The following IQSEC1 variants were observed in gnomAD, a reference collection of about 807,000 sequenced individuals.
The protein encoded by IQSEC1 is IQ motif and SEC7 domain-containing protein 1.
A neutral mutation model predicts 91.0 loss-of-function variants in IQSEC1; 31 were observed. The ratio of observed to expected loss-of-function variants is 0.34; its 90% CI spans 0.26 to 0.46. The LOEUF is 0.46. Among genes scored for constraint, IQSEC1 ranks in the 20% least tolerant of loss-of-function variants. The probability of loss-of-function intolerance (pLI) is 1.00; values close to 1 mark genes in which losing one functional copy is unlikely to be tolerated. For synonymous variants in IQSEC1, 699 were observed against 662.6 expected (o/e 1.05, Z -0.84); for missense variants, 1,388 against 1,575.6 (o/e 0.88, Z 2.02).
chr3:12,973,955 G>C (rs143979906), intron 1 of IQSEC1, among the ~76,000 whole-genome samples: 18 of 152,320 alleles, frequency 1.2e-4, no homozygotes, highest in African/African-American at 4.3e-4. Flanking sequence ...GTCGTGGTTT[G>C]AGGTGTCAGG....
chr3:13,143,478 C>T (rs1706834818), intron 2 of IQSEC1, among the ~76,000 whole-genome samples: 1 of 152,176 alleles, frequency 6.6e-6, no homozygotes. Context: ...GAGCCTTGGC[C>T]CTGAACCTGC....
At chr3:13,190,560 A>AAAACAAAAAC (rs942570982) in intron 1 of IQSEC1, among the ~76,000 whole-genome samples, 9 of 151,590 alleles carry the variant, frequency 5.9e-5, no homozygotes, top group Non-Finnish European at 8.9e-5. Flanking sequence ...TGTCTCAAAA[A>AAAACAAAAAC]AAAAAAACAG....
intron 12 of IQSEC1, among the ~76,000 whole-genome samples, chr3:12,905,715 C>T (rs1183133140): frequency 1.3e-5 from 2 of 152,250 alleles, no homozygotes; most frequent in Non-Finnish European, 2.9e-5. Context: ...CTCTGTCCAC[C>T]CACCACTGGT....
chr3:12,973,509 G>A (rs1331112812), intron 1 of IQSEC1, among the ~76,000 whole-genome samples: 1 of 152,270 alleles, frequency 6.6e-6, no homozygotes, highest in East Asian at 1.9e-4. Flanking sequence ...GTGGGGCCCA[G>A]ACACTGCCAT....
At chr3:13,222,761 T>C (rs1360907741) in intron 1 of IQSEC1, among the ~76,000 whole-genome samples, 2 of 152,140 alleles carry the variant, frequency 1.3e-5, no homozygotes, top group Non-Finnish European at 2.9e-5. Context: ...CTCAGAGTGC[T>C]CGATGTGCCA....
chr3:13,263,934 C>T (rs1055643770), intron 1 of IQSEC1, among the ~76,000 whole-genome samples: 2 of 152,220 alleles, frequency 1.3e-5, no homozygotes, highest in African/African-American at 4.8e-5. Flanking sequence ...GTCTGCTGGC[C>T]CAGCCGGTCT....
intron 1 of IQSEC1, among the ~76,000 whole-genome samples, chr3:13,019,507 C>G (rs1013388333): frequency 6.6e-6 from 1 of 152,262 alleles, no homozygotes; most frequent in Non-Finnish European, 1.5e-5. Flanking sequence ...GACCTGCTGA[C>G]TCAGGGCTTC....
chr3:12,980,200 G>A (rs1294607171), intron 1 of IQSEC1, among the ~76,000 whole-genome samples: 1 of 152,220 alleles, frequency 6.6e-6, no homozygotes, highest in Admixed American at 6.5e-5. Context: ...ATAGGAAACA[G>A]AGGCACAGAG....
At chr3:13,030,323 C>T (rs923185384) in intron 1 of IQSEC1, among the ~76,000 whole-genome samples, 1 of 152,214 alleles carries the variant, frequency 6.6e-6, no homozygotes, top group African/African-American at 2.4e-5. Flanking sequence ...TCTCGAACTC[C>T]TCCTGGTCTC....
chr3:13,247,074 A>C (rs1695120459), intron 1 of IQSEC1, among the ~76,000 whole-genome samples: 1 of 152,178 alleles, frequency 6.6e-6, no homozygotes, highest in Admixed American at 6.5e-5. Context: ...TGTGGGTGCC[A>C]CTTGTCAGCA....
intron 1 of IQSEC1, among the ~76,000 whole-genome samples, chr3:13,057,137 T>C (rs1163829888): frequency 2.0e-5 from 3 of 152,190 alleles, no homozygotes; most frequent in Non-Finnish European, 2.9e-5. Context: ...GGCCTTATCC[T>C]GACTGCAATG....
intron 7 of IQSEC1, 130 bp downstream of exon 7, chr3:12,915,464 C>T (rs1012519991): frequency 5.1e-6 from 5 of 988,964 alleles, no homozygotes; most frequent in Non-Finnish European, 7.5e-6. Flanking sequence ...AAACCCCAAG[C>T]CCTGGCAGAA....
At chr3:12,974,638 C>G (rs991964348) in intron 1 of IQSEC1, among the ~76,000 whole-genome samples, 9 of 152,364 alleles carry the variant, frequency 5.9e-5, no homozygotes, top group South Asian at 2.1e-4. Context: ...GGAGGAAATT[C>G]CACTGAGCTG....
At chr3:13,079,399 G>T (rs1208521371) in intron 2 of IQSEC1, among the ~76,000 whole-genome samples, 1 of 152,258 alleles carries the variant, frequency 6.6e-6, no homozygotes, top group Admixed American at 6.5e-5. Context: ...AGCATGCCTT[G>T]GGCGGTGGTG....
chr3:13,175,486 C>T (rs1272940998), intron 1 of IQSEC1, among the ~76,000 whole-genome samples: 2 of 152,142 alleles, frequency 1.3e-5, no homozygotes, highest in African/African-American at 4.8e-5. Flanking sequence ...ACAGGATCGC[C>T]CGGAAGCACG....
At chr3:13,104,649 G>T (rs1407293333) in intron 2 of IQSEC1, among the ~76,000 whole-genome samples, 1 of 152,094 alleles carries the variant, frequency 6.6e-6, no homozygotes, top group African/African-American at 2.4e-5. Context: ...CTCCCCCTCC[G>T]GTGGCCCTGG....
chr3:12,955,731 C>T (rs1022508650), intron 1 of IQSEC1, among the ~76,000 whole-genome samples: 1 of 152,260 alleles, frequency 6.6e-6, no homozygotes. Context: ...CCGAGCGCCA[C>T]CGGGCCAGGG....
intron 1 of IQSEC1, among the ~76,000 whole-genome samples, chr3:12,981,455 C>CT (rs1007407402): frequency 3.9e-5 from 6 of 152,112 alleles, no homozygotes; most frequent in African/African-American, 9.7e-5. Flanking sequence ...CGAGACATCT[C>CT]TGGGGGGGAG....
At position 13,181,127 on chromosome 3, in the gene IQSEC1, C is replaced by T. The variant is rs139568700; in HGVS notation, c.273-16994G>A. Among the ~76,000 whole-genome samples the T allele has an allele frequency of 9.9e-3, 1,512 of 152,194 alleles. 19 individuals are homozygous for T. Among genetic ancestry groups the T allele is most frequent in the African/African-American group, 0.034 (1,422 of 41,526 alleles). ...TCTACTAAAAATACAAAAAATTAGCCGGGCGTGGTGGCGGGCGCCTGTAGT... is the reference window on the plus strand; with the variant it reads ...TCTACTAAAAATACAAAAAATTAGCTGGGCGTGGTGGCGGGCGCCTGTAGT... On this transcript the variant is annotated intron_variant, in intron 1 of 15. Transcript: ENST00000648114.
Sources: allele counts gnomAD v4.1 joint callset (sites outside exome capture counted in the v4.1 genomes callset), GRCh38; gene constraint gnomAD v4.1.1; transcripts MANE v1.5; gene names NCBI Gene and HGNC (gene_info 2026-07-23, HGNC 2026-07-21).